The following GAN variants were observed in gnomAD, a reference collection of about 807,000 sequenced individuals.
GAN encodes epididymis secretory sperm binding protein.
A neutral mutation model predicts 71.3 loss-of-function variants in GAN; 48 were observed. That is an observed-to-expected ratio of 0.67 (90% confidence interval 0.53 to 0.86). The LOEUF (loss-of-function observed/expected upper bound fraction) is 0.86, where lower values mean the gene tolerates loss of function less well. GAN is among the 40% of genes least tolerant of loss of function. The pLI, the probability that GAN is intolerant of heterozygous loss-of-function variation, is 0.00. For synonymous variants in GAN, 386 were observed against 276.8 expected, an observed-to-expected ratio of 1.39 and a Z score of -3.92; for missense variants, 928 against 770.1, an observed-to-expected ratio of 1.21 and a Z score of -2.43.
rs541752526 is a variant in GAN, at chr16:81,377,887, A to G, written c.*291A>G. 13 of 450,026 alleles carry G rather than the reference A, an allele frequency of 2.9e-5. No homozygotes were observed. The highest frequency in any genetic ancestry group is 2.1e-4 in the Admixed American group (6 of 28,576). The allele number at this position is 450,026 out of a possible 1,614,324, so 27.9% of individuals were successfully genotyped here. On this transcript the variant is annotated 3_prime_UTR_variant, in exon 11 of 11. Coordinates refer to ENST00000648994, the MANE Select transcript of GAN (RefSeq NM_022041.4). ...AAAGGAAAAGGGAGTGGGAATTGCT[A>G]TCATGTAAAATATCAAAGTTAAAAT...
intron 1 of GAN, among the ~76,000 whole-genome samples, chr16:81,345,991 G>A (rs970116980): frequency 3.3e-5 from 5 of 152,158 alleles, no homozygotes; most frequent in Non-Finnish European, 5.9e-5. Flanking sequence ...TGCCACATGC[G>A]CAAGCAAGTA....
chr16:81,375,339 C>CTTT (rs59775874), intron 9 of GAN, among the ~76,000 whole-genome samples: 51 of 104,088 alleles, frequency 4.9e-4, no homozygotes, highest in South Asian at 6.7e-4. Context: ...TTTAATTTAT[C>CTTT]TTTTTTTTTT....
chr16:81,365,647 C>G (rs550833523), intron 9 of GAN, among the ~76,000 whole-genome samples, 169 bp downstream of exon 9: 1 of 150,460 alleles, frequency 6.6e-6, no homozygotes, highest in South Asian at 2.1e-4. Flanking sequence ...GTGCTAGTAA[C>G]TTAAAATGTC....
intron 1 of GAN, among the ~76,000 whole-genome samples, chr16:81,343,741 C>T (rs1427087160): frequency 6.6e-6 from 1 of 152,168 alleles, no homozygotes; most frequent in African/African-American, 2.4e-5. Flanking sequence ...CATTCCTATT[C>T]AACATAGTAT....
intron 1 of GAN, among the ~76,000 whole-genome samples, chr16:81,338,671 G>A (rs1281592445): frequency 6.6e-6 from 1 of 152,200 alleles, no homozygotes; most frequent in East Asian, 1.9e-4. Flanking sequence ...GAAAAGTGAA[G>A]ACAATAAGGG....
intron 9 of GAN, among the ~76,000 whole-genome samples, chr16:81,372,785 G>C (rs1012209806): frequency 2.6e-5 from 4 of 152,238 alleles, no homozygotes; most frequent in Admixed American, 2.0e-4. Context: ...GACGTGAAAT[G>C]TGAATAAACC....
At chr16:81,368,603 C>T (rs544999811) in intron 9 of GAN, among the ~76,000 whole-genome samples, 1 of 152,212 alleles carries the variant, frequency 6.6e-6, no homozygotes, top group Non-Finnish European at 1.5e-5. Flanking sequence ...GAGCAAGACC[C>T]TGTCTCAGAA....
chr16:81,373,958 G>T (rs1904274739), intron 9 of GAN, among the ~76,000 whole-genome samples: 1 of 152,164 alleles, frequency 6.6e-6, no homozygotes, highest in Non-Finnish European at 1.5e-5. Flanking sequence ...GGCCAGGATG[G>T]TCTTGATCTC....
intron 1 of GAN, among the ~76,000 whole-genome samples, chr16:81,333,403 C>A (rs1909652837): frequency 6.6e-6 from 1 of 152,276 alleles, no homozygotes; most frequent in Non-Finnish European, 1.5e-5. Context: ...TAACCCGGTC[C>A]ATCCTTCTGT....
chr16:81,321,737 C>G (rs555919906), intron 1 of GAN, among the ~76,000 whole-genome samples: 12 of 152,314 alleles, frequency 7.9e-5, no homozygotes, highest in African/African-American at 2.2e-4. Flanking sequence ...AGACACAAGA[C>G]TATCATTTTG....
chr16:81,360,595 A>G (rs1347635402), intron 5 of GAN, among the ~76,000 whole-genome samples: 1 of 149,438 alleles, frequency 6.7e-6, no homozygotes, highest in Non-Finnish European at 1.5e-5. Flanking sequence ...TTTAATTTCT[A>G]CAAATTCTTG....
intron 1 of GAN, among the ~76,000 whole-genome samples, chr16:81,334,942 G>T (rs1567483109): frequency 6.6e-6 from 1 of 152,134 alleles, no homozygotes; most frequent in African/African-American, 2.4e-5. Context: ...GATAGAGCAG[G>T]AAACAAACAA....
chr16:81,321,830 A>G (rs1220958360), intron 1 of GAN, among the ~76,000 whole-genome samples: 1 of 152,168 alleles, frequency 6.6e-6, no homozygotes, highest in Non-Finnish European at 1.5e-5. Flanking sequence ...GTGAGATGTG[A>G]CACGTGGCAG....
intron 9 of GAN, among the ~76,000 whole-genome samples, chr16:81,373,584 G>A (rs752941779): frequency 3.2e-4 from 49 of 152,200 alleles, no homozygotes; most frequent in Non-Finnish European, 5.3e-4. Flanking sequence ...ATCAAAACCA[G>A]GATATTTATG....
chr16:81,343,240 A>G (rs887205646), intron 1 of GAN, among the ~76,000 whole-genome samples: 8 of 152,218 alleles, frequency 5.3e-5, no homozygotes, highest in African/African-American at 1.7e-4. Flanking sequence ...GATCAATAGA[A>G]AAAGGGGGAA....
chr16:81,363,059 GT>G (rs1322852845), intron 6 of GAN, among the ~76,000 whole-genome samples: 1 of 152,172 alleles, frequency 6.6e-6, no homozygotes, highest in Non-Finnish European at 1.5e-5. Flanking sequence ...CACTAGAATC[GT>G]GCTTGGCACG....
intron 5 of GAN, among the ~76,000 whole-genome samples, chr16:81,361,974 G>C (rs72835115): frequency 0.016 from 2,487 of 152,234 alleles, 31 homozygotes; most frequent in Middle Eastern, 0.024. Context: ...CCACCACCCG[G>C]CTAAGATTAT....
In GAN at chr16:81,354,761, T is replaced by C; in HGVS notation, c.633+6T>C. 7.0e-7 allele frequency: 1 copy of C among 1,432,656 alleles called. No individual in the cohort carries two copies. Among genetic ancestry groups the C allele is most frequent in the Non-Finnish European group, 9.9e-7 (1 of 1,015,044 alleles). The allele number at this position is 1,432,656 out of a possible 1,614,324, so 88.7% of individuals were successfully genotyped here. A position where few individuals can be genotyped will look rare whatever the true frequency, so the allele number is the denominator to read the frequency against. On this transcript the variant is annotated splice_donor_region_variant and intron_variant, in intron 3 of 10. Coordinates refer to ENST00000648994, the MANE Select transcript of GAN (RefSeq NM_022041.4). ...ATGATACAGAAATAAGAAAGGTACC[T>C]GTCATTTATAACATGGTCAAATTTG... is the stretch of plus-strand genomic sequence containing the variant.
rs180906980 is a variant in GAN at position 81,358,306 on chromosome 16, T to G, written c.973+375T>G. Among the ~76,000 whole-genome samples, 312 of 152,272 alleles carry G rather than the reference T, an allele frequency of 2.0e-3. 1 individual carries two copies. Among genetic ancestry groups the G allele is most frequent in the Admixed American group, 3.1e-3 (48 of 15,286 alleles). ...ATTCATGCAGCTTAGAATTACAATA[T>G]GTAATTATATAAAATATGTTATATA... is the stretch of plus-strand genomic sequence containing the variant. On this transcript the variant is annotated intron_variant, in intron 5 of 10. Transcript: ENST00000648994.
Sources: allele counts gnomAD v4.1 joint callset (sites outside exome capture counted in the v4.1 genomes callset), GRCh38; gene constraint gnomAD v4.1.1; transcripts MANE v1.5; gene names NCBI Gene and HGNC (gene_info 2026-07-23, HGNC 2026-07-21).